Variants in SLC27A2 observed in about 807,000 individuals in gnomAD.
SLC27A2 encodes long-chain fatty acid transport protein 2.
A neutral mutation model predicts 60.0 loss-of-function variants in SLC27A2; 54 were observed. The ratio of observed to expected loss-of-function variants is 0.90; its 90% confidence interval spans 0.72 to 1.13. SLC27A2 has a LOEUF of 1.13. SLC27A2 is among the 50% of genes most tolerant of loss of function. The pLI, the probability that SLC27A2 is intolerant of heterozygous loss-of-function variation, is 0.00. For synonymous variants in SLC27A2, 297 were observed against 297.6 expected (o/e 1.00, Z 0.02); for missense variants, 739 against 777.6 (o/e 0.95, Z 0.59).
chr15:50,207,480 A>G (rs968087626), intron 4 of SLC27A2, among the ~76,000 whole-genome samples: 4 of 152,170 alleles, frequency 2.6e-5, no homozygotes, highest in African/African-American at 7.2e-5. Flanking sequence ...ACCTTCAGTT[A>G]AAGATTTTTT....
chr15:50,229,132 C>T, intron 8 of SLC27A2, 90 bp downstream of exon 8: 1 of 806,988 alleles, frequency 1.2e-6, no homozygotes, highest in Non-Finnish European at 2.1e-6. Flanking sequence ...CTTTCTCCCG[C>T]CATCCAGAGT....
chr15:50,184,707 C>T (rs542588968), intron 1 of SLC27A2, among the ~76,000 whole-genome samples: 34 of 151,912 alleles, frequency 2.2e-4, no homozygotes, highest in African/African-American at 7.7e-4. Context: ...CATGGTGGCG[C>T]GTGCCTGTAA....
chr15:50,224,540 G>A (rs1320260409), intron 5 of SLC27A2, among the ~76,000 whole-genome samples: 1 of 152,190 alleles, frequency 6.6e-6, no homozygotes, highest in Non-Finnish European at 1.5e-5. Flanking sequence ...CCGTAATGAT[G>A]ATAATCACTC....
intron 5 of SLC27A2, among the ~76,000 whole-genome samples, 155 bp downstream of exon 5, chr15:50,223,314 T>A (rs925757320): frequency 1.3e-5 from 2 of 152,230 alleles, no homozygotes; most frequent in Non-Finnish European, 2.9e-5. Context: ...TTCTCTGTGA[T>A]GATGACTTCA....
intron 4 of SLC27A2, among the ~76,000 whole-genome samples, chr15:50,215,645 C>G (rs1052851454): frequency 2.0e-5 from 3 of 152,048 alleles, no homozygotes; most frequent in Non-Finnish European, 4.4e-5. Context: ...GAATAGAGAA[C>G]CCAGAAATAA....
chr15:50,218,822 C>T (rs539139296), intron 4 of SLC27A2, among the ~76,000 whole-genome samples: 1 of 151,882 alleles, frequency 6.6e-6, no homozygotes, highest in African/African-American at 2.4e-5. Flanking sequence ...GAAAGAGAGA[C>T]AAAGGGACCC....
At chr15:50,200,655 T>C (rs570971218) in intron 2 of SLC27A2, among the ~76,000 whole-genome samples, 1 of 152,310 alleles carries the variant, frequency 6.6e-6, no homozygotes, top group Admixed American at 6.5e-5. Flanking sequence ...CCCACTCAGA[T>C]CTTAAACTCT....
chr15:50,204,352 A>C (rs2045090848), intron 3 of SLC27A2, among the ~76,000 whole-genome samples: 1 of 152,146 alleles, frequency 6.6e-6, no homozygotes, highest in African/African-American at 2.4e-5. Flanking sequence ...CTGTAATCCC[A>C]GCTACTTAGA....
At chr15:50,202,951 A>G (rs2045076924) in intron 3 of SLC27A2, among the ~76,000 whole-genome samples, 2 of 151,580 alleles carry the variant, frequency 1.3e-5, no homozygotes, top group South Asian at 4.2e-4. Flanking sequence ...AGGCCAAGGC[A>G]GGAGGATTGC....
intron 1 of SLC27A2, among the ~76,000 whole-genome samples, chr15:50,196,485 G>A (rs1377505526): frequency 1.3e-5 from 2 of 152,132 alleles, no homozygotes; most frequent in East Asian, 3.9e-4. Flanking sequence ...ATAAGATTCT[G>A]CTACCACTCT....
rs902593830 is a variant in SLC27A2 at position 50,189,044 on chromosome 15, T to C, written c.478+6139T>C. On this transcript the variant is annotated intron_variant, in intron 1 of 9. Coordinates refer to ENST00000267842, the MANE Select transcript of SLC27A2 (RefSeq NM_003645.4). ...ATAGATAGATGCATACAAACATACATACATACATACATACATAATGGATAG... is the reference window on the plus strand; with the variant it reads ...ATAGATAGATGCATACAAACATACACACATACATACATACATAATGGATAG... Among the ~76,000 whole-genome samples, 3 of 143,466 alleles carry C rather than the reference T, an allele frequency of 2.1e-5. No individual in the cohort carries two copies. In the East Asian group the frequency reaches 5.8e-4, roughly 28 times the overall value. 94.1% of individuals were successfully genotyped at this position (143,466 alleles called of 152,430 possible).
At chr15:50,193,445 T>C (rs952397722) in intron 1 of SLC27A2, among the ~76,000 whole-genome samples, 2 of 152,132 alleles carry the variant, frequency 1.3e-5, no homozygotes, top group Admixed American at 1.3e-4. Flanking sequence ...TGAATAAATG[T>C]TGGGAGGGAG....
intron 4 of SLC27A2, among the ~76,000 whole-genome samples, chr15:50,213,370 C>T: frequency 6.6e-6 from 1 of 152,122 alleles, no homozygotes; most frequent in African/African-American, 2.4e-5. Context: ...GACTTCAATA[C>T]TCCACTGACA....
At position 50,202,476 on chromosome 15, in the gene SLC27A2, T is replaced by C. The variant is rs761360613; in HGVS notation, c.689-11T>C. ...TGGTTAACTCATGCCTTCTCTTGTA[T>C]ATTTACAAAGGTCTTCCAAAAGCAG... On this transcript the variant is annotated splice_polypyrimidine_tract_variant and intron_variant, in intron 2 of 9. Coordinates refer to ENST00000267842, the MANE Select transcript of SLC27A2 (RefSeq NM_003645.4). 1.9e-6 allele frequency: 3 copies of C among 1,614,064 alleles called. No homozygotes were observed. The highest frequency in any genetic ancestry group is 2.5e-6 in the Non-Finnish European group (3 of 1,179,900).
chr15:50,235,724 A>G (rs2045347142), intron 9 of SLC27A2, among the ~76,000 whole-genome samples, 196 bp from the exon 10 acceptor site: 1 of 152,238 alleles, frequency 6.6e-6, no homozygotes, highest in Non-Finnish European at 1.5e-5. Context: ...TACATGAGAA[A>G]AACACACAAT....
intron 8 of SLC27A2, among the ~76,000 whole-genome samples, chr15:50,231,425 A>T (rs1487930577): frequency 6.6e-6 from 1 of 152,170 alleles, no homozygotes; most frequent in Non-Finnish European, 1.5e-5. Flanking sequence ...TGCTGGGATT[A>T]CAGGCATGAG....
At chr15:50,212,880 G>A (rs1249760643) in intron 4 of SLC27A2, among the ~76,000 whole-genome samples, 1 of 152,056 alleles carries the variant, frequency 6.6e-6, no homozygotes, top group African/African-American at 2.4e-5. Flanking sequence ...AAGAATACAA[G>A]TGAAAAAGCA....
At chr15:50,225,061 T>C (rs949297171) in intron 5 of SLC27A2, among the ~76,000 whole-genome samples, 1 of 152,200 alleles carries the variant, frequency 6.6e-6, no homozygotes, top group African/African-American at 2.4e-5. Flanking sequence ...AGAACATTTA[T>C]TACTACCTAT....
chr15:50,233,884 T>C lies in SLC27A2; in HGVS notation c.1572T>C (p.Ile524=). The C allele has an allele frequency of 1.9e-6, 3 of 1,612,930 alleles. No individual in the cohort carries two copies. The South Asian group carries it at 3.3e-5, about 18-fold the overall frequency. ...TATTTCTAGATCATGAGGGTCGCAT[T>C]GGCATGGCCTCCATCAAAATGAAAG... ...GVHVPDHEGR[I]GMASIKMKEN... The change falls in exon 9 of 10, where the codon ATT becomes ATC. Residue 524 remains isoleucine, a synonymous_variant. Coordinates refer to ENST00000267842, the MANE Select transcript of SLC27A2 (RefSeq NM_003645.4).
Sources: allele counts gnomAD v4.1 joint callset (sites outside exome capture counted in the v4.1 genomes callset), GRCh38; gene constraint gnomAD v4.1.1; transcripts MANE v1.5; gene names NCBI Gene and HGNC (gene_info 2026-07-23, HGNC 2026-07-21).